Variants in ABCC11 observed in about 807,000 individuals in gnomAD.
ABCC11 encodes ATP-binding cassette sub-family C member 11.
In ABCC11, 135 loss-of-function variants were observed where a neutral mutation model predicts 149.3. That is an observed-to-expected ratio of 0.90 (90% confidence interval 0.79 to 1.04). The LOEUF (loss-of-function observed/expected upper bound fraction) is 1.04. Ranked by LOEUF, ABCC11 falls within the 50% of genes least tolerant of loss-of-function variation. The probability of loss-of-function intolerance (pLI) is 0.00; values close to 1 mark genes in which losing one functional copy is unlikely to be tolerated. For missense variants in ABCC11, 1,680 were observed against 1,722.1 expected (o/e 0.98, Z 0.43); for synonymous variants, 665 against 671.4 (o/e 0.99, Z 0.15).
In ABCC11 at chr16:48,166,532, T is replaced by A. The variant is rs1965347651; in HGVS notation, c.*742A>T. On this transcript the variant is annotated 3_prime_UTR_variant, in exon 30 of 30. Transcript: ENST00000356608. ...ACTCTTTTTTTTTTCCAAAGTTAGT[T>A]TGAGGGAGTCTCTGTTCCTTGCAAC... is the stretch of plus-strand genomic sequence containing the variant. Among the ~76,000 whole-genome samples, 1 of 152,178 alleles carries A rather than the reference T, an allele frequency of 6.6e-6. No individual in the cohort carries two copies. Among genetic ancestry groups the A allele is most frequent in the African/African-American group, 2.4e-5 (1 of 41,448 alleles).
chr16:48,211,258 T>C (rs542173014), intron 10 of ABCC11, 59 bp from the exon 11 acceptor site: 3 of 1,571,894 alleles, frequency 1.9e-6, no homozygotes, highest in South Asian at 1.1e-5. Context: ...TCAGCAGGAA[T>C]GTGTTCCCAG....
intron 13 of ABCC11, 114 bp downstream of exon 13, chr16:48,205,299 C>A (rs767124014): frequency 8.4e-6 from 12 of 1,421,130 alleles, no homozygotes; most frequent in African/African-American, 1.4e-5. Context: ...TATGATAATG[C>A]GTTTAAGTGG....
At chr16:48,237,808 A>C (rs1232266093) in intron 1 of ABCC11, among the ~76,000 whole-genome samples, 1 of 152,116 alleles carries the variant, frequency 6.6e-6, no homozygotes, top group Non-Finnish European at 1.5e-5. Flanking sequence ...GGTCTTTGCA[A>C]GTGCTGCTTT....
At position 48,174,396 on chromosome 16, in the gene ABCC11, A is replaced by G. The variant is rs1489495693; in HGVS notation, c.3698+862T>C. Among the ~76,000 whole-genome samples, 3 of 152,306 alleles carry G rather than the reference A, an allele frequency of 2.0e-5. No individual in the cohort carries two copies. The South Asian group carries it at 6.2e-4, about 32-fold the overall frequency. ...CTCCTGGCTCTAAGAATTCTCCTTAAATATCACAAAACATGGGGGGACCTA... is the reference window on the plus strand; with the variant it reads ...CTCCTGGCTCTAAGAATTCTCCTTAGATATCACAAAACATGGGGGGACCTA... On this transcript the variant is annotated intron_variant, in intron 26 of 29. Coordinates refer to ENST00000356608, the MANE Select transcript of ABCC11 (RefSeq NM_001370497.1).
At chr16:48,240,499 G>A (rs1209454575) in intron 1 of ABCC11, among the ~76,000 whole-genome samples, 1 of 151,966 alleles carries the variant, frequency 6.6e-6, no homozygotes, top group Non-Finnish European at 1.5e-5. Context: ...ACATGGCGGG[G>A]GAACAACACA....
In ABCC11 at chr16:48,233,061, C is replaced by T. The variant is rs895763944; in HGVS notation, c.-18-1122G>A. 5.9e-5 allele frequency among the ~76,000 whole-genome samples: 9 copies of T among 151,922 alleles called. 1 individual carries two copies. In the South Asian group the frequency reaches 8.3e-4, roughly 14 times the overall value. Reference sequence around the variant, plus strand: ...CCAAAAATATAAAAAATTAGCTAGACGTAGTGGTGCACGCTTGTGGTCTCA... The same window carrying T: ...CCAAAAATATAAAAAATTAGCTAGATGTAGTGGTGCACGCTTGTGGTCTCA... On this transcript the variant is annotated intron_variant, in intron 1 of 29. Coordinates refer to ENST00000356608, the MANE Select transcript of ABCC11 (RefSeq NM_001370497.1).
chr16:48,229,128 G>A (rs9938414), intron 3 of ABCC11, among the ~76,000 whole-genome samples: 19,903 of 152,110 alleles, frequency 0.13, 1,618 homozygotes, highest in African/African-American at 0.23. Flanking sequence ...GGATATTGGA[G>A]CAAGGAGCGG....
Position 48,208,516 on chromosome 16 carries a change from T to C in ABCC11, c.1609-20A>G, listed in dbSNP as rs1018194003. ...CATCCCCTGCAAGCCAAGGAGGACA[T>C]ACAAGTGTTGGGACAGCATAGCCCT... On this transcript the variant is annotated intron_variant, in intron 11 of 29. Coordinates refer to ENST00000356608, the MANE Select transcript of ABCC11 (RefSeq NM_001370497.1). The C allele has an allele frequency of 6.2e-7, 1 of 1,613,938 alleles. No homozygotes were observed. The highest frequency in any genetic ancestry group is 1.1e-5 in the South Asian group (1 of 91,072).
At chr16:48,216,672 G>A (rs1241162448) in intron 6 of ABCC11, among the ~76,000 whole-genome samples, 1 of 152,150 alleles carries the variant, frequency 6.6e-6, no homozygotes, top group Non-Finnish European at 1.5e-5. Flanking sequence ...AAAGAAACCA[G>A]TAACTAACAG....
intron 12 of ABCC11, 51 bp from the exon 13 acceptor site, chr16:48,205,588 C>A: frequency 6.3e-7 from 1 of 1,596,852 alleles, no homozygotes; most frequent in South Asian, 1.1e-5. Flanking sequence ...AGGGACAGAG[C>A]CTGCCTGGCT....
chr16:48,221,309 C>A (rs938246092), intron 6 of ABCC11, among the ~76,000 whole-genome samples: 1 of 152,136 alleles, frequency 6.6e-6, no homozygotes, highest in Non-Finnish European at 1.5e-5. Context: ...ACCCACAACC[C>A]TCGAGGCAAT....
chr16:48,224,175 G>T, intron 5 of ABCC11, 107 bp downstream of exon 5: 1 of 1,399,416 alleles, frequency 7.1e-7, no homozygotes, highest in Non-Finnish European at 9.7e-7. Context: ...GCAACTGAAA[G>T]ACAAATGCAT....
At position 48,200,491 on chromosome 16, in the gene ABCC11, C is replaced by T. The variant is rs181635529; in HGVS notation, c.1879-12G>A. The T allele has an allele frequency of 1.4e-3, 2,179 of 1,612,650 alleles. 19 individuals are homozygous for T. The highest frequency in any genetic ancestry group is 3.8e-3 in the Admixed American group (229 of 59,874). ...CCCCGCTCTCCAATCTGCAGACAGG[C>T]AGTAAAAGGCACCATGTCCAGACAG... is the stretch of plus-strand genomic sequence containing the variant. On this transcript the variant is annotated splice_polypyrimidine_tract_variant and intron_variant, in intron 14 of 29. Coordinates refer to ENST00000356608, the MANE Select transcript of ABCC11 (RefSeq NM_001370497.1).
intron 18 of ABCC11, among the ~76,000 whole-genome samples, chr16:48,195,988 T>G (rs1967370191): frequency 6.6e-6 from 1 of 152,202 alleles, no homozygotes. Context: ...TTTTTAATTT[T>G]TTTTAATTAA....
rs148839428 is a variant in ABCC11, at chr16:48,213,474, G to C, written c.1325C>G (p.Thr442Arg). ...FFVPIAVKGL[T>R]NSKSAVMRFK... Reference sequence around the variant, plus strand: ...CCTCATCACTGCAGACTTGGAATTCGTGAGACCTTTGACTGCAATAGGCAC... The same window carrying C: ...CCTCATCACTGCAGACTTGGAATTCCTGAGACCTTTGACTGCAATAGGCAC... Residue 442 changes from threonine (T) to arginine (R), a missense_variant, in exon 10 of 30, where the codon ACG (threonine) becomes AGG (arginine). Transcript: ENST00000356608. 9.3e-6 allele frequency: 15 copies of C among 1,612,376 alleles called. No homozygotes were observed. Among genetic ancestry groups the C allele is most frequent in the African/African-American group, 2.7e-5 (2 of 74,996 alleles).
chr16:48,200,927 C>A (rs78532763), intron 14 of ABCC11, among the ~76,000 whole-genome samples: 1 of 152,246 alleles, frequency 6.6e-6, no homozygotes, highest in African/African-American at 2.4e-5. Flanking sequence ...GATAAATACC[C>A]TAAATGCCCT....
chr16:48,184,598 T>G lies in ABCC11; in HGVS notation c.3100A>C (p.Asn1034His). 6.2e-7 allele frequency: 1 copy of G among 1,614,202 alleles called. No homozygotes were observed. Among genetic ancestry groups the G allele is most frequent in the South Asian group, 1.1e-5 (1 of 91,078 alleles). ...QFKRLTDAQN[N>H]YLLLFLSSTR... The stretch of plus-strand genomic sequence containing the variant: ...GAAGATAGAAACAACAGCAGGTAGT[T>G]ATTCTGCGCATCAGTCAGCCTCTTA... Residue 1034 changes from asparagine to histidine, a missense_variant, in exon 23 of 30, where the codon AAC (asparagine) becomes CAC (histidine). Asn to His is a moderately conservative substitution (Grantham distance 68). Coordinates refer to ENST00000356608, the MANE Select transcript of ABCC11 (RefSeq NM_001370497.1).
intron 18 of ABCC11, among the ~76,000 whole-genome samples, chr16:48,195,888 C>T (rs755110322): frequency 3.0e-4 from 46 of 152,192 alleles, no homozygotes; most frequent in Non-Finnish European, 5.6e-4. Context: ...GGCAGGGGCA[C>T]TTTGGGAGGC....
intron 26 of ABCC11, among the ~76,000 whole-genome samples, chr16:48,174,854 CTTG>C (rs1260721240): frequency 2.0e-5 from 3 of 152,014 alleles, no homozygotes; most frequent in Non-Finnish European, 4.4e-5. Context: ...GAGTCAGGGT[CTTG>C]TTGTGTTGCC....
Sources: allele counts gnomAD v4.1 joint callset (sites outside exome capture counted in the v4.1 genomes callset), GRCh38; gene constraint gnomAD v4.1.1; transcripts MANE v1.5; gene names NCBI Gene and HGNC (gene_info 2026-07-23, HGNC 2026-07-21).